The following ATXN7L1 variants were observed in gnomAD, a reference collection of about 807,000 sequenced individuals.
ATXN7L1 encodes ataxin 7 like 1.
A neutral mutation model predicts 70.8 loss-of-function variants in ATXN7L1; 15 were observed. That is an observed-to-expected ratio of 0.21 (90% CI 0.14 to 0.33). The LOEUF is 0.33. ATXN7L1 is among the 10% of genes least tolerant of loss of function. The pLI is 1.00. For synonymous variants in ATXN7L1, 440 were observed against 445.1 expected (o/e 0.99, Z 0.14); for missense variants, 975 against 1,097.1 (o/e 0.89, Z 1.57).
At chr7:105,741,113 C>T (rs1182594178) in intron 3 of ATXN7L1, among the ~76,000 whole-genome samples, 1 of 152,100 alleles carries the variant, frequency 6.6e-6, no homozygotes, top group African/African-American at 2.4e-5. Context: ...CCCTAAGCCC[C>T]AGAAAGGCAG....
At chr7:105,618,573 A>G (rs1304071698) in intron 9 of ATXN7L1, among the ~76,000 whole-genome samples, 1 of 152,066 alleles carries the variant, frequency 6.6e-6, no homozygotes, top group East Asian at 1.9e-4. Flanking sequence ...TGCCTGGGGG[A>G]GAGGAGGAAT....
At chr7:105,665,332 A>C in intron 3 of ATXN7L1, 44 bp from the exon 4 acceptor site, 2 of 1,472,992 alleles carry the variant, frequency 1.4e-6, no homozygotes, top group Non-Finnish European at 1.9e-6. Context: ...CATCTGTAGC[A>C]GGTGAGGCTC....
intron 7 of ATXN7L1, among the ~76,000 whole-genome samples, chr7:105,636,326 C>T (rs941230122): frequency 4.1e-5 from 6 of 147,384 alleles, no homozygotes; most frequent in East Asian, 2.1e-4. Context: ...ACCCGGGAGG[C>T]GGAGGTTGCA....
intron 2 of ATXN7L1, among the ~76,000 whole-genome samples, chr7:105,837,082 G>C (rs1045471922): frequency 2.0e-5 from 3 of 152,100 alleles, no homozygotes; most frequent in African/African-American, 4.8e-5. Context: ...GTGAGTGGGT[G>C]GGGGGAGGTG....
intron 7 of ATXN7L1, among the ~76,000 whole-genome samples, chr7:105,629,368 A>C (rs1796236835): frequency 6.6e-6 from 1 of 151,802 alleles, no homozygotes; most frequent in Non-Finnish European, 1.5e-5. Context: ...AGTAGTTGTC[A>C]TTCTCTGTCT....
At chr7:105,630,270 C>T (rs1469582582) in intron 7 of ATXN7L1, among the ~76,000 whole-genome samples, 1 of 152,118 alleles carries the variant, frequency 6.6e-6, no homozygotes, top group Non-Finnish European at 1.5e-5. Flanking sequence ...CTTCTCTCTT[C>T]CAAAATCTTA....
At chr7:105,853,188 T>G (rs1248077554) in intron 2 of ATXN7L1, among the ~76,000 whole-genome samples, 2 of 152,242 alleles carry the variant, frequency 1.3e-5, no homozygotes, top group Non-Finnish European at 2.9e-5. Flanking sequence ...TTAGTAACGC[T>G]GAATTATACA....
chr7:105,728,691 C>T lies in ATXN7L1; in HGVS notation c.355+59913G>A, dbSNP rs1382844506. The stretch of plus-strand genomic sequence containing the variant: ...TAGTATCATTCTCCTATAAAAGGTG[C>T]CAGGACTCCCTGGAGAAATGGCTGA... On this transcript the variant is annotated intron_variant, in intron 3 of 11. Coordinates refer to ENST00000419735, the MANE Select transcript of ATXN7L1 (RefSeq NM_020725.2). 4.6e-5 allele frequency among the ~76,000 whole-genome samples: 7 copies of T among 152,208 alleles called. No homozygotes were observed. In the East Asian group the frequency reaches 1.4e-3, roughly 29 times the overall value.
At chr7:105,817,866 G>A (rs373051866) in intron 2 of ATXN7L1, among the ~76,000 whole-genome samples, 12 of 152,288 alleles carry the variant, frequency 7.9e-5, no homozygotes, top group Admixed American at 7.2e-4. Flanking sequence ...TCCAGGTTAC[G>A]GTGAGTTATC....
At chr7:105,610,188 C>T (rs934330242) in intron 11 of ATXN7L1, among the ~76,000 whole-genome samples, 14 of 152,204 alleles carry the variant, frequency 9.2e-5, no homozygotes, top group African/African-American at 2.7e-4. Context: ...AATGTGCGTA[C>T]GCTCATACAG....
chr7:105,780,912 T>C (rs560612122), intron 3 of ATXN7L1, among the ~76,000 whole-genome samples: 4 of 152,284 alleles, frequency 2.6e-5, no homozygotes, highest in African/African-American at 9.6e-5. Context: ...TTTACTTTGA[T>C]AAAAAATTTA....
intron 4 of ATXN7L1, among the ~76,000 whole-genome samples, chr7:105,654,958 A>G (rs1296474736): frequency 1.2e-4 from 17 of 145,606 alleles, no homozygotes; most frequent in Admixed American, 1.1e-3. Flanking sequence ...TCACCACATT[A>G]GTCTTGAACT....
chr7:105,669,812 G>A (rs562923603), intron 3 of ATXN7L1, among the ~76,000 whole-genome samples: 6 of 151,944 alleles, frequency 3.9e-5, no homozygotes, highest in Admixed American at 1.3e-4. Context: ...CCAGCTACTC[G>A]GGAGGCTGAG....
chr7:105,690,186 G>A (rs1184532113), intron 3 of ATXN7L1, among the ~76,000 whole-genome samples: 3 of 151,868 alleles, frequency 2.0e-5, no homozygotes, highest in African/African-American at 4.8e-5. Context: ...TGTATTTTTC[G>A]TAGAGACGGG....
At chr7:105,819,953 C>T in intron 2 of ATXN7L1, 1 of 488,538 alleles carries the variant, frequency 2.0e-6, no homozygotes, top group South Asian at 1.5e-5. Context: ...GTGGCATCTA[C>T]CCTGAAGGAG....
rs549549713 is a variant in ATXN7L1, at chr7:105,709,350, T to A, written c.356-44062A>T. 1.6e-4 allele frequency among the ~76,000 whole-genome samples: 25 copies of A among 151,934 alleles called. No individual in the cohort carries two copies. In the South Asian group the frequency reaches 2.3e-3, roughly 14 times the overall value. On this transcript the variant is annotated intron_variant, in intron 3 of 11. Transcript: ENST00000419735. The stretch of plus-strand genomic sequence containing the variant: ...ACTCTGTCTCACAAAAAAAAGAATT[T>A]TTTTTCTATATTTCCAGTGCTTTGA...
At chr7:105,771,368 A>T (rs1801986240) in intron 3 of ATXN7L1, among the ~76,000 whole-genome samples, 1 of 152,138 alleles carries the variant, frequency 6.6e-6, no homozygotes, top group South Asian at 2.1e-4. Flanking sequence ...GAGCCCCCTG[A>T]TGTTCTCACT....
rs1254331462 is a variant in ATXN7L1 at position 105,607,047 on chromosome 7, C to G, written c.*805G>C. The G allele has an allele frequency of 6.6e-6, 1 of 152,466 alleles. No individual in the cohort carries two copies. The highest frequency in any genetic ancestry group is 1.5e-5 in the Non-Finnish European group (1 of 68,296). The allele number at this position is 152,466 out of a possible 1,614,324, so 9.4% of individuals were successfully genotyped here. A position where few individuals can be genotyped will look rare whatever the true frequency, so the allele number is the denominator to read the frequency against. Reference sequence around the variant, plus strand: ...GATTCCTGACCAGCTCAGACCACCACAGTCTCCAGTTTTTTTAGGGATCAT... The same window carrying G: ...GATTCCTGACCAGCTCAGACCACCAGAGTCTCCAGTTTTTTTAGGGATCAT... On this transcript the variant is annotated 3_prime_UTR_variant, in exon 12 of 12. Coordinates refer to ENST00000419735, the MANE Select transcript of ATXN7L1 (RefSeq NM_020725.2).
At position 105,614,675 on chromosome 7, in the gene ATXN7L1, G is replaced by A; in HGVS notation, c.1659C>T (p.Thr553=). The change falls in exon 10 of 12, where the codon ACC becomes ACT. Residue 553 remains threonine, a synonymous_variant. Coordinates refer to ENST00000419735, the MANE Select transcript of ATXN7L1 (RefSeq NM_020725.2). The surrounding 1 kb of genome is among the most constrained non-coding windows in gnomAD (Gnocchi z 4.3). The part of the protein sequence containing the change: ...LPSAPISSRL[T]SSYIMTSAML... ...TGGCTGATGTCATTATGTAAGAAGA[G>A]GTGAGCCTCGAGCTGATGGGAGCTG... The A allele has an allele frequency of 6.4e-7, 1 of 1,551,724 alleles. No homozygotes were observed. Among genetic ancestry groups the A allele is most frequent in the Non-Finnish European group, 8.7e-7 (1 of 1,147,014 alleles).
Sources: allele counts gnomAD v4.1 joint callset (sites outside exome capture counted in the v4.1 genomes callset), GRCh38; gene constraint gnomAD v4.1.1; non-coding constraint Gnocchi (gnomAD v3.1); transcripts MANE v1.5; gene names NCBI Gene and HGNC (gene_info 2026-07-23, HGNC 2026-07-21).